Variants in NARF observed in about 807,000 individuals in gnomAD.
NARF encodes nuclear prelamin A recognition factor.
NARF carries 41 observed loss-of-function variants against 48.0 expected under a neutral mutation model. That is an observed-to-expected ratio of 0.85 (90% CI 0.66 to 1.11). The LOEUF is 1.11. Among genes scored for constraint, NARF ranks in the 50% least tolerant of loss-of-function variants. The probability of loss-of-function intolerance (pLI) is 0.00; values close to 1 mark genes in which losing one functional copy is unlikely to be tolerated. For synonymous variants in NARF, 215 were observed against 225.5 expected (o/e 0.95, Z 0.42); for missense variants, 613 against 590.2 (o/e 1.04, Z -0.40).
intron 4 of NARF, among the ~76,000 whole-genome samples, chr17:82,471,182 A>G (rs1320120150): frequency 2.5e-4 from 34 of 134,096 alleles, no homozygotes; most frequent in South Asian, 1.0e-3. Flanking sequence ...AAGGCTGGGC[A>G]TGTTGGCTCA....
At chr17:82,479,859 T>C (rs1015162797) in intron 6 of NARF, 1 of 152,360 alleles carries the variant, frequency 6.6e-6, no homozygotes, top group Non-Finnish European at 1.5e-5. Context: ...ACGTTCAGTT[T>C]AGGCAGGACC....
intron 2 of NARF, chr17:82,464,059 G>A: frequency 2.0e-6 from 1 of 499,780 alleles, no homozygotes; most frequent in South Asian, 3.1e-5. Context: ...CATCTGCATG[G>A]TTCCCTAGTG....
intron 5 of NARF, among the ~76,000 whole-genome samples, chr17:82,473,804 C>G (rs963928660): frequency 6.6e-6 from 1 of 151,350 alleles, no homozygotes; most frequent in Non-Finnish European, 1.5e-5. Flanking sequence ...GTGATCTGCC[C>G]GCCTTGGCCT....
At chr17:82,474,670 T>C (rs1336717912) in intron 5 of NARF, among the ~76,000 whole-genome samples, 1 of 152,220 alleles carries the variant, frequency 6.6e-6, no homozygotes, top group East Asian at 1.9e-4. Context: ...CCTTTAGTCA[T>C]TAGGATTATG....
At chr17:82,477,269 C>G (rs936533060) in intron 5 of NARF, 3 of 151,666 alleles carry the variant, frequency 2.0e-5, no homozygotes, top group Non-Finnish European at 4.4e-5. Flanking sequence ...TTTGGGAGGC[C>G]GAGGCGGGAG....
At chr17:82,467,869 T>C (rs1425270819) in intron 3 of NARF, among the ~76,000 whole-genome samples, 3 of 152,224 alleles carry the variant, frequency 2.0e-5, no homozygotes, top group African/African-American at 7.2e-5. Context: ...TTTATTGTTG[T>C]GTAGTAATTT....
chr17:82,459,481 G>T (rs1043606368), intron 1 of NARF: 2 of 153,586 alleles, frequency 1.3e-5, no homozygotes, highest in South Asian at 3.9e-4. Flanking sequence ...TCGCCTGTGG[G>T]GTGAAGGCTA....
intron 2 of NARF, chr17:82,463,983 TTCC>T (rs2043499744): frequency 3.5e-6 from 1 of 288,332 alleles, no homozygotes; most frequent in Admixed American, 4.8e-5. Context: ...TGGGGTGAGC[TTCC>T]AGAACACAGG....
chr17:82,485,937 G>A (rs2044086163), intron 10 of NARF, among the ~76,000 whole-genome samples: 1 of 152,234 alleles, frequency 6.6e-6, no homozygotes, highest in Admixed American at 6.5e-5. Flanking sequence ...GTGGCGGCTG[G>A]CTTAGAGAAC....
At chr17:82,459,291 C>T (rs2043370182) in intron 1 of NARF, 2 of 556,996 alleles carry the variant, frequency 3.6e-6, no homozygotes, top group African/African-American at 2.0e-5. Context: ...GCAACAACCG[C>T]GCAGCGCACG....
At chr17:82,461,433 TAA>T (rs1394876621) in intron 2 of NARF, among the ~76,000 whole-genome samples, 1 of 151,992 alleles carries the variant, frequency 6.6e-6, no homozygotes, top group Non-Finnish European at 1.5e-5. Flanking sequence ...CCAACATAGA[TAA>T]ACCCCATCTC....
rs2044166214 is a variant in NARF, at chr17:82,489,767, G to C, written c.*1610G>C. 3 of 152,382 alleles carry C rather than the reference G, an allele frequency of 2.0e-5. No homozygotes were observed. The South Asian group carries it at 6.2e-4, about 32-fold the overall frequency. The allele number at this position is 152,382 out of a possible 1,614,324, so 9.4% of individuals were successfully genotyped here. A position where few individuals can be genotyped will look rare whatever the true frequency, so the allele number is the denominator to read the frequency against. On this transcript the variant is annotated 3_prime_UTR_variant, in exon 11 of 11. Transcript: ENST00000309794. Reference sequence around the variant, plus strand: ...GCCCTATAATCCCAGCACACTGGGAGGCCAAGGTGGGAGGATTGCTGGAGT... The same window carrying C: ...GCCCTATAATCCCAGCACACTGGGACGCCAAGGTGGGAGGATTGCTGGAGT...
chr17:82,480,709 A>G (rs533066104), intron 6 of NARF: 21 of 439,582 alleles, frequency 4.8e-5, no homozygotes, highest in African/African-American at 3.4e-4. Flanking sequence ...AGGCGGGCAG[A>G]TTGCCTGAGC....
rs768722932 is a variant in NARF at position 82,464,316 on chromosome 17, C to T, written c.138C>T (p.Ala46=). The change falls in exon 3 of 11, where the codon GCC becomes GCT. Residue 46 remains alanine, a synonymous_variant. Coordinates refer to ENST00000309794, the MANE Select transcript of NARF (RefSeq NM_012336.4). Reference sequence around the variant, plus strand: ...GAGAATTCCACAAGTTGGCTGATGCCAAGATATTTTTGAGCGACTGCCTGG... The same window carrying T: ...GAGAATTCCACAAGTTGGCTGATGCTAAGATATTTTTGAGCGACTGCCTGG... ...EKGEFHKLAD[A]KIFLSDCLAC... 6.2e-6 allele frequency: 10 copies of T among 1,613,622 alleles called. No individual in the cohort carries two copies. The highest frequency in any genetic ancestry group is 8.5e-7 in the Non-Finnish European group (1 of 1,179,824).
At chr17:82,483,586 C>T in intron 7 of NARF, 130 bp from the exon 8 acceptor site, 1 of 775,630 alleles carries the variant, frequency 1.3e-6, no homozygotes, top group South Asian at 1.6e-5. Context: ...AGATGGACTC[C>T]TGCTGTGTGT....
chr17:82,479,850 C>T (rs1291670475), intron 6 of NARF: 1 of 152,248 alleles, frequency 6.6e-6, no homozygotes, highest in African/African-American at 2.4e-5. Flanking sequence ...AGAGTATACA[C>T]GTTCAGTTTA....
intron 6 of NARF, 55 bp from the exon 7 acceptor site, chr17:82,481,027 G>A (rs1268735642): frequency 9.3e-6 from 15 of 1,609,002 alleles, no homozygotes; most frequent in African/African-American, 2.7e-5. Flanking sequence ...GGCACCAAGC[G>A]TAAGCTGCCG....
chr17:82,469,004 A>G, intron 4 of NARF, 108 bp downstream of exon 4: 2 of 1,267,104 alleles, frequency 1.6e-6, no homozygotes, highest in East Asian at 2.4e-5. Context: ...AGCAACTTCC[A>G]AAAGAGTCTC....
At position 82,480,444 on chromosome 17, in the gene NARF, C is replaced by G. The variant is rs866842942; in HGVS notation, c.640-638C>G. 20 of 401,992 alleles carry G rather than the reference C, an allele frequency of 5.0e-5. 2 individuals carry two copies. In the Middle Eastern group the frequency reaches 6.2e-3, roughly 125 times the overall value. The allele number at this position is 401,992 out of a possible 1,614,324, so 24.9% of individuals were successfully genotyped here. ...ATGGGCTCAGCCTTCCCGGTTCTTC[C>G]AGGAGGCTCCACTGGCTGGGGGGCT... is the stretch of plus-strand genomic sequence containing the variant. On this transcript the variant is annotated intron_variant, in intron 6 of 10. Transcript: ENST00000309794.
Sources: allele counts gnomAD v4.1 joint callset (sites outside exome capture counted in the v4.1 genomes callset), GRCh38; gene constraint gnomAD v4.1.1; transcripts MANE v1.5; gene names NCBI Gene and HGNC (gene_info 2026-07-23, HGNC 2026-07-21).